CSMD1: variants seen among roughly 807,000 people sequenced by gnomAD.
CSMD1 encodes CUB and Sushi multiple domains 1.
Under a neutral mutation model 417.5 loss-of-function variants are expected in CSMD1, and 213 were observed. That is an observed-to-expected ratio of 0.51 (90% CI 0.46 to 0.57). The LOEUF is 0.57. Ranked by LOEUF, CSMD1 falls within the 20% of genes least tolerant of loss-of-function variation. The pLI is 0.00. For synonymous variants in CSMD1, 2,862 were observed against 1,736.8 expected, an observed-to-expected ratio of 1.65 and a Z score of -16.11; for missense variants, 6,923 against 4,529.7, an observed-to-expected ratio of 1.53 and a Z score of -15.17.
intron 3 of CSMD1, among the ~76,000 whole-genome samples, chr8:4,208,028 G>A (rs1393557114): frequency 3.3e-5 from 5 of 152,124 alleles, no homozygotes; most frequent in Admixed American, 6.5e-5. Flanking sequence ...AACAGTAGGA[G>A]AATATGTAAA....
At chr8:4,250,511 T>C (rs1031759198) in intron 3 of CSMD1, among the ~76,000 whole-genome samples, 2 of 152,110 alleles carry the variant, frequency 1.3e-5, no homozygotes, top group African/African-American at 4.8e-5. Flanking sequence ...CTTGGTGGAA[T>C]TATATGTATA....
At chr8:4,241,481 G>A (rs1015560560) in intron 3 of CSMD1, among the ~76,000 whole-genome samples, 6 of 152,174 alleles carry the variant, frequency 3.9e-5, no homozygotes, top group Non-Finnish European at 8.8e-5. Flanking sequence ...GCTTCATGCA[G>A]TGAGGATGTG....
intron 54 of CSMD1, among the ~76,000 whole-genome samples, chr8:2,987,576 T>C (rs1806032379): frequency 6.6e-6 from 1 of 152,172 alleles, no homozygotes; most frequent in Non-Finnish European, 1.5e-5. Flanking sequence ...TCTTCGGATA[T>C]AACTCACAAT....
In CSMD1 at chr8:4,070,810, G is replaced by C. The variant is rs995438375; in HGVS notation, c.416-38711C>G. ...CTGTCATAGCTTCCTCTGATTTTCTGACTCACCCTCATTCTTGAAGGTTGT... is the reference window on the plus strand; with the variant it reads ...CTGTCATAGCTTCCTCTGATTTTCTCACTCACCCTCATTCTTGAAGGTTGT... On this transcript the variant is annotated intron_variant, in intron 3 of 69. Coordinates refer to ENST00000635120, the MANE Select transcript of CSMD1 (RefSeq NM_033225.6). 1.3e-4 allele frequency among the ~76,000 whole-genome samples: 20 copies of C among 152,144 alleles called. No homozygotes were observed. The East Asian group carries it at 3.5e-3, about 26-fold the overall frequency.
intron 11 of CSMD1, among the ~76,000 whole-genome samples, chr8:3,482,574 A>T (rs1299658293): frequency 6.6e-6 from 1 of 152,220 alleles, no homozygotes. Context: ...GTATAGTTGA[A>T]AACTTTAGCA....
At chr8:3,467,568 G>C (rs1483088541) in intron 12 of CSMD1, among the ~76,000 whole-genome samples, 2 of 152,166 alleles carry the variant, frequency 1.3e-5, no homozygotes, top group Non-Finnish European at 2.9e-5. Flanking sequence ...TTATTCACAA[G>C]GGTCATTAAG....
At chr8:3,722,480 A>G (rs1399679708) in intron 6 of CSMD1, among the ~76,000 whole-genome samples, 1 of 152,166 alleles carries the variant, frequency 6.6e-6, no homozygotes, top group African/African-American at 2.4e-5. Flanking sequence ...CAGATCTGAA[A>G]CCATTCTCTC....
rs139961389 is a variant in CSMD1 at position 3,205,459 on chromosome 8, G to A, written c.4984+45C>T. On this transcript the variant is annotated intron_variant, in intron 31 of 69. Coordinates refer to ENST00000635120, the MANE Select transcript of CSMD1 (RefSeq NM_033225.6). ...ATCAAATGACAGAAAAATTAACACTGAAAGGAAATATGACAATGAATTAAA... is the reference window on the plus strand; with the variant it reads ...ATCAAATGACAGAAAAATTAACACTAAAAGGAAATATGACAATGAATTAAA... 7.0e-4 allele frequency: 686 copies of A among 978,504 alleles called. 3 individuals are homozygous for A. The African/African-American group carries it at 9.8e-3, about 14-fold the overall frequency. 60.6% of individuals were successfully genotyped at this position (978,504 alleles called of 1,614,324 possible). A position where few individuals can be genotyped will look rare whatever the true frequency, so the allele number is the denominator to read the frequency against.
At chr8:4,161,605 T>C (rs776940674) in intron 3 of CSMD1, among the ~76,000 whole-genome samples, 16 of 152,166 alleles carry the variant, frequency 1.1e-4, no homozygotes, top group Admixed American at 2.0e-4. Flanking sequence ...TCTATACCTG[T>C]TAAAAATCTA....
chr8:4,625,561 G>A (rs377740482), intron 2 of CSMD1, among the ~76,000 whole-genome samples: 4 of 151,726 alleles, frequency 2.6e-5, no homozygotes, highest in African/African-American at 7.3e-5. Context: ...GGACTTCCCT[G>A]CCTCCCCTGG....
At chr8:3,595,934 C>G (rs954883420) in intron 8 of CSMD1, among the ~76,000 whole-genome samples, 4 of 152,156 alleles carry the variant, frequency 2.6e-5, no homozygotes, top group African/African-American at 9.7e-5. Flanking sequence ...CCGCAAGCCC[C>G]TCTCCCATCT....
chr8:4,704,775 G>C (rs987688932), intron 1 of CSMD1, among the ~76,000 whole-genome samples: 3 of 152,192 alleles, frequency 2.0e-5, no homozygotes, highest in Admixed American at 6.5e-5. Flanking sequence ...GCAGGAGAAA[G>C]GGAGTGGCAG....
intron 4 of CSMD1, among the ~76,000 whole-genome samples, chr8:4,002,905 C>G (rs186031461): frequency 1.5e-3 from 229 of 152,186 alleles, no homozygotes; most frequent in Non-Finnish European, 2.4e-3. Flanking sequence ...AATATATGGT[C>G]TCAAATTAAG....
At chr8:3,059,659 G>A (rs1412707429) in intron 49 of CSMD1, among the ~76,000 whole-genome samples, 1 of 152,096 alleles carries the variant, frequency 6.6e-6, no homozygotes, top group Admixed American at 6.6e-5. Context: ...GGAGATGAAC[G>A]GAGAGAGGGT....
chr8:3,852,686 G>C (rs987636546), intron 5 of CSMD1, among the ~76,000 whole-genome samples: 2 of 152,022 alleles, frequency 1.3e-5, no homozygotes, highest in Non-Finnish European at 2.9e-5. Context: ...ATGGGGGTGG[G>C]GAGGAGCCTT....
intron 2 of CSMD1, among the ~76,000 whole-genome samples, chr8:4,586,308 G>A (rs1209482155): frequency 6.6e-6 from 1 of 152,028 alleles, no homozygotes; most frequent in African/African-American, 2.4e-5. Context: ...TTTTCCCCAG[G>A]CAATTCCCAT....
intron 10 of CSMD1, among the ~76,000 whole-genome samples, chr8:3,574,081 T>C (rs1036844946): frequency 7.2e-5 from 11 of 152,072 alleles, no homozygotes; most frequent in Admixed American, 5.9e-4. Flanking sequence ...TACAGAGAAA[T>C]AACAGTATTA....
intron 41 of CSMD1, among the ~76,000 whole-genome samples, chr8:3,122,067 C>T (rs754547182): frequency 2.9e-4 from 44 of 151,898 alleles, no homozygotes; most frequent in Non-Finnish European, 4.7e-4. Context: ...TAATGTATAT[C>T]GATAATATGA....
intron 5 of CSMD1, among the ~76,000 whole-genome samples, chr8:3,787,664 T>G (rs1022563687): frequency 1.3e-5 from 2 of 152,166 alleles, no homozygotes; most frequent in East Asian, 1.9e-4. Flanking sequence ...GTAATATAAT[T>G]TAGTATTGTT....
Sources: allele counts gnomAD v4.1 joint callset (sites outside exome capture counted in the v4.1 genomes callset), GRCh38; gene constraint gnomAD v4.1.1; transcripts MANE v1.5; gene names NCBI Gene and HGNC (gene_info 2026-07-23, HGNC 2026-07-21).